C1orf94: variants seen among roughly 807,000 people sequenced by gnomAD.
C1orf94 encodes chromosome 1 open reading frame 94.
C1orf94 carries 45 observed loss-of-function variants against 53.6 expected under a neutral mutation model. The ratio of observed to expected loss-of-function variants is 0.84; its 90% CI spans 0.66 to 1.08. The LOEUF (loss-of-function observed/expected upper bound fraction) is 1.08. C1orf94 is among the 50% of genes least tolerant of loss of function. The pLI, the probability that C1orf94 is intolerant of heterozygous loss-of-function variation, is 0.00. For synonymous variants in C1orf94, 304 were observed against 296.1 expected (o/e 1.03, Z -0.27); for missense variants, 762 against 738.9 (o/e 1.03, Z -0.36).
At chr1:34,199,735 G>T (rs945888564) in intron 2 of C1orf94, among the ~76,000 whole-genome samples, 1 of 152,190 alleles carries the variant, frequency 6.6e-6, no homozygotes, top group Admixed American at 6.5e-5. Flanking sequence ...GAGAATAAAT[G>T]CTCAGTCTCT....
intron 5 of C1orf94, 115 bp downstream of exon 5, chr1:34,208,349 G>A (rs1429958408): frequency 1.9e-6 from 2 of 1,032,768 alleles, no homozygotes; most frequent in African/African-American, 1.6e-5. Context: ...GCCCACCATT[G>A]GCTCTGGAGT....
chr1:34,217,172 G>C (rs1258175378), intron 6 of C1orf94, among the ~76,000 whole-genome samples: 1 of 152,154 alleles, frequency 6.6e-6, no homozygotes, highest in Admixed American at 6.5e-5. Context: ...TACTCAACAG[G>C]CAACTCAAGC....
intron 1 of C1orf94, among the ~76,000 whole-genome samples, chr1:34,189,715 TC>T (rs1338406482): frequency 6.6e-6 from 1 of 151,840 alleles, no homozygotes; most frequent in Non-Finnish European, 1.5e-5. Flanking sequence ...TTTGGTGACC[TC>T]CCTTTCCACT....
rs1436279428 is a variant in C1orf94 at position 34,178,078 on chromosome 1, C to CT, written c.290dup (p.Arg98LysfsTer4). The CT allele has an allele frequency of 5.2e-6, 8 of 1,551,566 alleles. No homozygotes were observed. The highest frequency in any genetic ancestry group is 6.1e-6 in the Non-Finnish European group (7 of 1,146,976). Reference sequence around the variant, plus strand: ...GCTCTCTGTCCCTGTGGTTGGAACTCTAAGAGGCAATGAGCTCAGCTTTCA... The same window carrying CT: ...GCTCTCTGTCCCTGTGGTTGGAACTCTTAAGAGGCAATGAGCTCAGCTTTCA... On this transcript the variant is annotated frameshift_variant, in exon 1 of 7. Coordinates refer to ENST00000488417, the MANE Select transcript of C1orf94 (RefSeq NM_001134734.2). LOFTEE classifies it high-confidence loss of function.
At chr1:34,175,666 A>G (rs1335679725), upstream of C1orf94, among the ~76,000 whole-genome samples, 1 of 152,168 alleles carries the variant, frequency 6.6e-6, no homozygotes, top group Non-Finnish European at 1.5e-5. Context: ...GGCACTTTAC[A>G]TACAGTATAC....
At chr1:34,208,950 C>T (rs1642847001) in intron 5 of C1orf94, among the ~76,000 whole-genome samples, 1 of 152,072 alleles carries the variant, frequency 6.6e-6, no homozygotes, top group Non-Finnish European at 1.5e-5. Flanking sequence ...GCAGGGTTGC[C>T]AGTTAAAATC....
At chr1:34,172,931 G>A (rs1391209454), upstream of C1orf94, among the ~76,000 whole-genome samples, 1 of 152,210 alleles carries the variant, frequency 6.6e-6, no homozygotes, top group African/African-American at 2.4e-5. Flanking sequence ...GACCCATTGA[G>A]CATTATTCGC....
intron 1 of C1orf94, among the ~76,000 whole-genome samples, chr1:34,183,122 A>G (rs1642335322): frequency 6.6e-6 from 1 of 152,198 alleles, no homozygotes; most frequent in Non-Finnish European, 1.5e-5. Context: ...CCCTGGTTGG[A>G]CGGTGTGCCA....
Position 34,200,821 on chromosome 1 carries a change from T to C in C1orf94, c.1059T>C (p.Phe353=), listed in dbSNP as rs116432048. 38 of 1,613,936 alleles carry C rather than the reference T, an allele frequency of 2.4e-5. No homozygotes were observed. The East Asian group carries it at 8.0e-4, about 34-fold the overall frequency. The change falls in exon 3 of 7, where the codon TTT becomes TTC. Residue 353 remains phenylalanine, a synonymous_variant. Coordinates refer to ENST00000488417, the MANE Select transcript of C1orf94 (RefSeq NM_001134734.2). ...CAAAAAAGGGTCAAGGGAGCCTCTT[T>C]CTCAGCCAGTGGCCCCAGAGCCAGA... ...KEPKKGQGSL[F]LSQWPQSQKD...
intron 2 of C1orf94, among the ~76,000 whole-genome samples, chr1:34,198,583 G>C (rs533179844): frequency 1.3e-5 from 2 of 152,330 alleles, no homozygotes; most frequent in African/African-American, 4.8e-5. Flanking sequence ...AAGAAGGTAG[G>C]CTGATGGCCA....
At chr1:34,198,022 A>G (rs1363100396) in intron 2 of C1orf94, 109 bp downstream of exon 2, 2 of 1,180,920 alleles carry the variant, frequency 1.7e-6, no homozygotes, top group South Asian at 1.6e-5. Flanking sequence ...GCAAAGCAAG[A>G]CAAAGCAGCC....
At chr1:34,202,771 T>C (rs977909627) in intron 4 of C1orf94, among the ~76,000 whole-genome samples, 3 of 152,218 alleles carry the variant, frequency 2.0e-5, no homozygotes, top group East Asian at 3.9e-4. Flanking sequence ...CTTTTCACTC[T>C]CAAGTGTCCT....
rs1642241547 is a variant in C1orf94, at chr1:34,177,234, G to A, written c.-556G>A. 6.6e-6 allele frequency among the ~76,000 whole-genome samples: 1 copy of A among 152,168 alleles called. No individual in the cohort carries two copies. Among genetic ancestry groups the A allele is most frequent in the South Asian group, 2.1e-4 (1 of 4,830 alleles). On this transcript the variant is annotated 5_prime_UTR_variant, in exon 1 of 7. Coordinates refer to ENST00000488417, the MANE Select transcript of C1orf94 (RefSeq NM_001134734.2). Reference sequence around the variant, plus strand: ...GCGAGAGAAAAGCAGGACCTGGGCCGGGGGTGGGAGTCGGGCCGTTGACGC... The same window carrying A: ...GCGAGAGAAAAGCAGGACCTGGGCCAGGGGTGGGAGTCGGGCCGTTGACGC...
intron 1 of C1orf94, among the ~76,000 whole-genome samples, chr1:34,192,476 G>T (rs1297420707): frequency 6.6e-6 from 1 of 152,160 alleles, no homozygotes; most frequent in African/African-American, 2.4e-5. Flanking sequence ...AGAGGTCTTG[G>T]CATGGGTAAA....
At chr1:34,196,769 C>A (rs541546725) in intron 1 of C1orf94, among the ~76,000 whole-genome samples, 79 of 152,294 alleles carry the variant, frequency 5.2e-4, no homozygotes, top group Middle Eastern at 3.4e-3. Flanking sequence ...GGCTGCGCTA[C>A]TCTCCTGGGG....
At chr1:34,202,685 G>A (rs1034559693) in intron 4 of C1orf94, among the ~76,000 whole-genome samples, 5 of 152,268 alleles carry the variant, frequency 3.3e-5, no homozygotes, top group African/African-American at 1.2e-4. Context: ...CTTTGAAGTT[G>A]GATGACATAT....
intron 1 of C1orf94, 35 bp downstream of exon 1, chr1:34,178,144 G>A (rs989015968): frequency 6.5e-7 from 1 of 1,532,354 alleles, no homozygotes; most frequent in African/African-American, 1.4e-5. Flanking sequence ...CAGCAAGGGA[G>A]GAGGGAGGAG....
upstream of C1orf94, among the ~76,000 whole-genome samples, chr1:34,175,706 G>T (rs779111254): frequency 2.0e-5 from 3 of 152,008 alleles, no homozygotes; most frequent in Non-Finnish European, 2.9e-5. Context: ...TATTTTTTGA[G>T]TGCCTACTAT....
chr1:34,190,989 A>T (rs1342999865), intron 1 of C1orf94, among the ~76,000 whole-genome samples: 5 of 152,216 alleles, frequency 3.3e-5, no homozygotes, highest in Admixed American at 6.5e-5. Context: ...TCACCCAAGC[A>T]TCTGCACTTA....
Sources: gnomAD v4.1 joint callset for allele counts (sites outside exome capture counted in the v4.1 genomes callset) on GRCh38, gnomAD v4.1.1 for gene constraint, MANE v1.5 for transcripts, NCBI Gene and HGNC (gene_info 2026-07-23, HGNC 2026-07-21) for gene names.